RAB3C: variants seen among roughly 807,000 people sequenced by gnomAD.
The protein encoded by RAB3C is RAB3C, member RAS oncogene family, also known as ras-related protein Rab-3C.
RAB3C carries 17 observed loss-of-function variants against 26.4 expected under a neutral mutation model. The ratio of observed to expected loss-of-function variants is 0.64; its 90% CI spans 0.44 to 0.97. The LOEUF (loss-of-function observed/expected upper bound fraction) is 0.97, where lower values mean the gene tolerates loss of function less well. Ranked by LOEUF, RAB3C falls within the 50% of genes least tolerant of loss-of-function variation. The probability of loss-of-function intolerance (pLI) is 0.00; values close to 1 mark genes in which losing one functional copy is unlikely to be tolerated. For missense variants in RAB3C, 242 were observed against 281.9 expected, an observed-to-expected ratio of 0.86 and a Z score of 1.01; for synonymous variants, 91 against 95.9, an observed-to-expected ratio of 0.95 and a Z score of 0.30.
At chr5:58,755,024 T>C (rs879491389) in intron 3 of RAB3C, among the ~76,000 whole-genome samples, 10 of 151,988 alleles carry the variant, frequency 6.6e-5, no homozygotes, top group Non-Finnish European at 1.2e-4. Flanking sequence ...ATTTAAGACA[T>C]GCAGTTGGAG....
intron 4 of RAB3C, among the ~76,000 whole-genome samples, 197 bp downstream of exon 4, chr5:58,825,359 T>C (rs1743452213): frequency 6.6e-6 from 1 of 152,170 alleles, no homozygotes; most frequent in Non-Finnish European, 1.5e-5. Flanking sequence ...TCAAGCGCAA[T>C]TACAGAAGCA....
intron 2 of RAB3C, 92 bp from the exon 3 acceptor site, chr5:58,725,910 C>T: frequency 1.4e-6 from 1 of 701,952 alleles, no homozygotes; most frequent in East Asian, 2.7e-5. Context: ...ACATTTTAGA[C>T]TCTATTGTGA....
chr5:58,727,242 ATT>A (rs1356852783), intron 3 of RAB3C, among the ~76,000 whole-genome samples: 1 of 151,742 alleles, frequency 6.6e-6, no homozygotes, highest in Non-Finnish European at 1.5e-5. Flanking sequence ...TTTCTTTCCA[ATT>A]TTAATTGTTC....
chr5:58,810,549 A>G (rs1187879732), intron 3 of RAB3C, among the ~76,000 whole-genome samples: 1 of 152,172 alleles, frequency 6.6e-6, no homozygotes, highest in East Asian at 1.9e-4. Context: ...GGTATACTTC[A>G]AGAATGGATG....
chr5:58,812,211 G>A (rs1743107603), intron 3 of RAB3C, among the ~76,000 whole-genome samples: 2 of 152,114 alleles, frequency 1.3e-5, no homozygotes, highest in Non-Finnish European at 2.9e-5. Flanking sequence ...GAGGCAGGAG[G>A]GCAGATGACA....
At chr5:58,690,367 A>G (rs1024794080) in intron 2 of RAB3C, among the ~76,000 whole-genome samples, 5 of 152,166 alleles carry the variant, frequency 3.3e-5, no homozygotes, top group Non-Finnish European at 7.4e-5. Context: ...ATGGTTTCCT[A>G]TGTAAAAAAA....
chr5:58,818,945 C>T (rs114432909), intron 3 of RAB3C, among the ~76,000 whole-genome samples: 3,110 of 152,122 alleles, frequency 0.02, 38 homozygotes, highest in Non-Finnish European at 0.032. Flanking sequence ...GTCATTTACT[C>T]CCAGTTAAAA....
chr5:58,658,242 G>A (rs1055417332), intron 2 of RAB3C, among the ~76,000 whole-genome samples: 2 of 152,124 alleles, frequency 1.3e-5, no homozygotes, highest in African/African-American at 4.8e-5. Context: ...CCCACCCAGC[G>A]ACTTTCACAA....
intron 1 of RAB3C, among the ~76,000 whole-genome samples, chr5:58,584,510 C>A (rs1010335990): frequency 3.3e-5 from 5 of 152,034 alleles, no homozygotes; most frequent in African/African-American, 1.2e-4. Context: ...TCTGAACAGA[C>A]AATAAAGGTA....
At chr5:58,710,746 C>T (rs1291893730) in intron 2 of RAB3C, among the ~76,000 whole-genome samples, 5 of 152,158 alleles carry the variant, frequency 3.3e-5, no homozygotes, top group African/African-American at 1.2e-4. Context: ...ATTTTATCCT[C>T]CTGTTTCATA....
At position 58,620,081 on chromosome 5, in the gene RAB3C, T is replaced by TA. The variant is rs542977247; in HGVS notation, c.252+2221dup. 3.4e-3 allele frequency among the ~76,000 whole-genome samples: 496 copies of TA among 148,002 alleles called. 1 individual carries two copies. The highest frequency in any genetic ancestry group is 3.1e-3 in the Non-Finnish European group (205 of 66,654). The stretch of plus-strand genomic sequence containing the variant: ...CTTCTACAATCTACTAGTTTCTTAT[T>TA]AAAAAAAAAACCCTTTAAGTCTATA... On this transcript the variant is annotated intron_variant, in intron 2 of 4. Coordinates refer to ENST00000282878, the MANE Select transcript of RAB3C (RefSeq NM_138453.4).
At chr5:58,618,349 A>G (rs1746868182) in intron 2 of RAB3C, among the ~76,000 whole-genome samples, 1 of 152,216 alleles carries the variant, frequency 6.6e-6, no homozygotes. Flanking sequence ...TAGACCCTTC[A>G]TAAAGCTCCA....
intron 2 of RAB3C, among the ~76,000 whole-genome samples, chr5:58,637,892 T>C (rs1212980253): frequency 6.6e-6 from 1 of 152,206 alleles, no homozygotes; most frequent in African/African-American, 2.4e-5. Flanking sequence ...TGTTTTCACA[T>C]ATATGTTATG....
rs70973156 is a variant in RAB3C at position 58,810,385 on chromosome 5, C to CTG, written c.372-14623_372-14622dup. 6.7e-3 allele frequency among the ~76,000 whole-genome samples: 982 copies of CTG among 146,990 alleles called. 7 individuals carry two copies. The highest frequency in any genetic ancestry group is 0.016 in the African/African-American group (625 of 39,458). ...GTGTGCTCTCTCTCTCTCTCTCTCT[C>CTG]TGTGTGTGTGTGTGTGTGTGTGTGT... On this transcript the variant is annotated intron_variant, in intron 3 of 4. Transcript: ENST00000282878.
intron 4 of RAB3C, among the ~76,000 whole-genome samples, chr5:58,849,799 T>G (rs556173880): frequency 6.6e-6 from 1 of 152,312 alleles, no homozygotes; most frequent in South Asian, 2.1e-4. Flanking sequence ...ACACTTGCCT[T>G]TTGTTGTCTA....
chr5:58,779,882 T>C (rs1742235497), intron 3 of RAB3C, among the ~76,000 whole-genome samples: 1 of 152,056 alleles, frequency 6.6e-6, no homozygotes, highest in Admixed American at 6.6e-5. Context: ...CAGCAAGCAA[T>C]GTGGACAAAA....
intron 3 of RAB3C, among the ~76,000 whole-genome samples, chr5:58,811,001 A>G (rs1743074441): frequency 6.6e-6 from 1 of 152,234 alleles, no homozygotes; most frequent in South Asian, 2.1e-4. Context: ...AACATGGATC[A>G]TTCTAACCAT....
chr5:58,716,278 T>C (rs974995828), intron 2 of RAB3C, among the ~76,000 whole-genome samples: 1 of 151,902 alleles, frequency 6.6e-6, no homozygotes, highest in African/African-American at 2.4e-5. Context: ...ATGAATGGGG[T>C]TTGAAATAAC....
At chr5:58,821,776 A>C (rs533781858) in intron 3 of RAB3C, among the ~76,000 whole-genome samples, 1 of 152,340 alleles carries the variant, frequency 6.6e-6, no homozygotes, top group Admixed American at 6.5e-5. Flanking sequence ...ATAAAACCCT[A>C]TCTGCCTCTT....
Sources: gnomAD v4.1 joint callset for allele counts (sites outside exome capture counted in the v4.1 genomes callset) on GRCh38, gnomAD v4.1.1 for gene constraint, MANE v1.5 for transcripts, NCBI Gene and HGNC (gene_info 2026-07-23, HGNC 2026-07-21) for gene names.